The following CAPZB variants were observed in gnomAD, a reference collection of about 807,000 sequenced individuals.
The protein encoded by CAPZB is F-actin-capping protein subunit beta.
CAPZB carries 2 observed loss-of-function variants against 38.1 expected under a neutral mutation model. The ratio of observed to expected loss-of-function variants is 0.05; its 90% CI spans 0.02 to 0.17. CAPZB has a LOEUF of 0.17. Among genes scored for constraint, CAPZB ranks in the 10% least tolerant of loss-of-function variants. The pLI, the probability that CAPZB is intolerant of heterozygous loss-of-function variation, is 1.00. For synonymous variants in CAPZB, 107 were observed against 127.4 expected, an observed-to-expected ratio of 0.84 and a Z score of 1.08; for missense variants, 161 against 334.2, an observed-to-expected ratio of 0.48 and a Z score of 4.04.
In CAPZB at chr1:19,357,007, G is replaced by A. The variant is rs148614596; in HGVS notation, c.472-256C>T. ...CTCCCAAGTAGCTGGGATTATGGGC[G>A]CCCGCCACCACGCCTGGCTAATGTT... On this transcript the variant is annotated intron_variant, in intron 5 of 8. Coordinates refer to ENST00000264202, the MANE Select transcript of CAPZB (RefSeq NM_004930.5). The surrounding 1 kb of genome is among the most constrained non-coding windows in gnomAD (Gnocchi z 4.3). 1.8e-3 allele frequency among the ~76,000 whole-genome samples: 280 copies of A among 152,102 alleles called. 1 individual carries two copies. Among genetic ancestry groups the A allele is most frequent in the African/African-American group, 6.1e-3 (253 of 41,508 alleles).
At chr1:19,430,636 C>A (rs1421348070) in intron 1 of CAPZB, among the ~76,000 whole-genome samples, 1 of 152,136 alleles carries the variant, frequency 6.6e-6, no homozygotes, top group Non-Finnish European at 1.5e-5. Context: ...TCTTCTATTT[C>A]CCCTTTAAGG....
At chr1:19,414,794 A>G (rs2094372082) in intron 2 of CAPZB, among the ~76,000 whole-genome samples, 1 of 152,208 alleles carries the variant, frequency 6.6e-6, no homozygotes, top group Admixed American at 6.5e-5. Flanking sequence ...TCTTCACATC[A>G]TATGATTCTT....
chr1:19,438,324 G>A (rs1262102466), intron 1 of CAPZB, among the ~76,000 whole-genome samples: 2 of 152,280 alleles, frequency 1.3e-5, no homozygotes, highest in Non-Finnish European at 2.9e-5. Flanking sequence ...CTTCAGCTAC[G>A]TGCGGCTTAG....
rs776390680 is a variant in CAPZB at position 19,344,372 on chromosome 1, G to A, written c.717C>T (p.Ile239=). Residue 239 remains isoleucine, a synonymous_variant, in exon 8 of 9, where the codon ATC becomes ATT. Transcript: ENST00000264202. The part of the protein sequence containing the change: ...NEIYFGKTKD[I]VNGLRSVQTF... The stretch of plus-strand genomic sequence containing the variant: ...TGGTACATTACCTCAGCCCATTGAC[G>A]ATATCCTTTGTTTTTCCAAAGTAGA... The A allele has an allele frequency of 3.1e-6, 5 of 1,612,888 alleles. No individual in the cohort carries two copies. Among genetic ancestry groups the A allele is most frequent in the East Asian group, 2.2e-5 (1 of 44,864 alleles).
intron 1 of CAPZB, among the ~76,000 whole-genome samples, chr1:19,450,638 G>A (rs956272760): frequency 2.4e-5 from 3 of 125,664 alleles, no homozygotes; most frequent in African/African-American, 8.8e-5. Flanking sequence ...TGGCAGAGCT[G>A]GAAGCCTGGT....
intron 2 of CAPZB, among the ~76,000 whole-genome samples, chr1:19,408,879 T>C (rs963179098): frequency 2.0e-5 from 3 of 152,244 alleles, no homozygotes; most frequent in Admixed American, 2.0e-4. Flanking sequence ...TTGTCCCTCC[T>C]ATTGAAGCAG....
intron 1 of CAPZB, among the ~76,000 whole-genome samples, chr1:19,459,498 G>A (rs61765077): frequency 0.019 from 2,955 of 152,016 alleles, 97 homozygotes; most frequent in Admixed American, 0.075. Flanking sequence ...CTTCTACCAC[G>A]CCTTGCTCAG....
chr1:19,415,008 C>G (rs1312468222), intron 2 of CAPZB, among the ~76,000 whole-genome samples: 1 of 152,248 alleles, frequency 6.6e-6, no homozygotes, highest in African/African-American at 2.4e-5. Flanking sequence ...AGAAAGCTGA[C>G]CTGGCATGAT....
At chr1:19,381,184 A>G (rs57073530) in intron 3 of CAPZB, among the ~76,000 whole-genome samples, 3 of 152,054 alleles carry the variant, frequency 2.0e-5, no homozygotes, top group African/African-American at 7.3e-5. Flanking sequence ...AACAAACAAA[A>G]AAAAATGAAT....
At position 19,366,311 on chromosome 1, in the gene CAPZB, A is replaced by ATAT. The variant is rs1558189927; in HGVS notation, c.330-8749_330-8748insATA. On this transcript the variant is annotated intron_variant, in intron 4 of 8. Coordinates refer to ENST00000264202, the MANE Select transcript of CAPZB (RefSeq NM_004930.5). ...ATATATATATATATATATATATATA[A>ATAT]ATAAAATAAATGGTCATGAGGGACA... 6.3e-3 allele frequency among the ~76,000 whole-genome samples: 400 copies of ATAT among 63,174 alleles called. 37 individuals are homozygous for ATAT. Among genetic ancestry groups the ATAT allele is most frequent in the South Asian group, 0.03 (74 of 2,444 alleles). 41.4% of individuals were successfully genotyped at this position (63,174 alleles called of 152,430 possible).
chr1:19,467,836 G>A (rs909653298), intron 1 of CAPZB, among the ~76,000 whole-genome samples: 8 of 152,174 alleles, frequency 5.3e-5, no homozygotes, highest in African/African-American at 1.9e-4. Context: ...ATGCTTCCCC[G>A]ACATCGTTTC....
intron 2 of CAPZB, among the ~76,000 whole-genome samples, chr1:19,394,280 C>G (rs540257709): frequency 4.9e-4 from 75 of 152,352 alleles, no homozygotes; most frequent in Admixed American, 1.0e-3. Context: ...GCCACCGCGC[C>G]TGGCCAAGGG....
intron 1 of CAPZB, among the ~76,000 whole-genome samples, chr1:19,430,658 T>C (rs2094438909): frequency 3.3e-5 from 5 of 152,074 alleles, no homozygotes; most frequent in Admixed American, 3.3e-4. Flanking sequence ...ATATATCTCT[T>C]ACCCCTGCAC....
chr1:19,348,760 G>C (rs978364313), intron 6 of CAPZB, among the ~76,000 whole-genome samples: 5 of 73,376 alleles, frequency 6.8e-5, no homozygotes, highest in African/African-American at 1.7e-4. Flanking sequence ...CATCTGACAA[G>C]GGGGGGGGGC....
chr1:19,361,023 TATA>T (rs540458737), intron 4 of CAPZB, among the ~76,000 whole-genome samples: 262 of 152,330 alleles, frequency 1.7e-3, no homozygotes, highest in African/African-American at 6.0e-3. Context: ...ATGACTTTTA[TATA>T]ACTGTAAGCA....
intron 1 of CAPZB, chr1:19,484,381 C>T: frequency 6.5e-7 from 1 of 1,535,242 alleles, no homozygotes; most frequent in Non-Finnish European, 8.8e-7. Flanking sequence ...GGCCACCCAT[C>T]CTCGCCCCTC....
intron 3 of CAPZB, among the ~76,000 whole-genome samples, chr1:19,384,500 C>T (rs1216093654): frequency 6.6e-6 from 1 of 152,222 alleles, no homozygotes; most frequent in Admixed American, 6.5e-5. Context: ...GATGACAAAA[C>T]TAAAAGACCA....
At chr1:19,437,705 G>C (rs1212507631) in intron 1 of CAPZB, among the ~76,000 whole-genome samples, 1 of 152,054 alleles carries the variant, frequency 6.6e-6, no homozygotes, top group Non-Finnish European at 1.5e-5. Flanking sequence ...CCTTGCTCCC[G>C]CCAGCCCAGG....
intron 1 of CAPZB, chr1:19,448,701 T>C (rs1029082738): frequency 8.8e-5 from 103 of 1,174,182 alleles, no homozygotes; most frequent in Non-Finnish European, 1.1e-4. Flanking sequence ...TTCCTGGGGG[T>C]AGACTGTGCC....
Sources: allele counts gnomAD v4.1 joint callset (sites outside exome capture counted in the v4.1 genomes callset), GRCh38; gene constraint gnomAD v4.1.1; non-coding constraint Gnocchi (gnomAD v3.1); transcripts MANE v1.5; gene names NCBI Gene and HGNC (gene_info 2026-07-23, HGNC 2026-07-21).